TMEM108: variants seen among roughly 807,000 people sequenced by gnomAD.
TMEM108 encodes cancer/testis antigen 124.
A neutral mutation model predicts 35.1 loss-of-function variants in TMEM108; 12 were observed. The ratio of observed to expected loss-of-function variants is 0.34; its 90% CI spans 0.22 to 0.55. TMEM108 has a LOEUF of 0.55. TMEM108 is among the 20% of genes least tolerant of loss of function. TMEM108 has a pLI of 0.89. For missense variants in TMEM108, 680 were observed against 753.3 expected (o/e 0.90, Z 1.14); for synonymous variants, 287 against 308.6 (o/e 0.93, Z 0.73).
chr3:133,178,081 A>G (rs955813236), intron 2 of TMEM108, among the ~76,000 whole-genome samples: 34 of 152,252 alleles, frequency 2.2e-4, no homozygotes, highest in Non-Finnish European at 4.7e-4. Context: ...AAAGGGAATA[A>G]AATACCTAGG....
intron 2 of TMEM108, among the ~76,000 whole-genome samples, chr3:133,072,552 A>G (rs1943688703): frequency 6.6e-6 from 1 of 152,110 alleles, no homozygotes. Context: ...CACAGAATAC[A>G]CGTGGCCAAA....
At chr3:133,393,672 AG>A (rs1254302979) in intron 5 of TMEM108, among the ~76,000 whole-genome samples, 3 of 152,200 alleles carry the variant, frequency 2.0e-5, no homozygotes, top group Non-Finnish European at 4.4e-5. Context: ...TGTTGTAGTA[AG>A]TGGAAAAAAA....
Position 133,174,846 on chromosome 3 carries a change from GAGA to G in TMEM108, c.-46-54414_-46-54412del, listed in dbSNP as rs548086779. On this transcript the variant is annotated intron_variant, in intron 2 of 5. Transcript: ENST00000321871. ...ATGGAGAATGACTTTGATGAGTTGA[GAGA>G]AGAAGGCTTCAGACAATCAAACTAC... Among the ~76,000 whole-genome samples, 46 of 152,276 alleles carry G rather than the reference GAGA, an allele frequency of 3.0e-4. No individual in the cohort carries two copies. The South Asian group carries it at 9.6e-3, about 32-fold the overall frequency.
intron 2 of TMEM108, among the ~76,000 whole-genome samples, chr3:133,109,319 G>T (rs892251662): frequency 2.6e-5 from 4 of 152,006 alleles, no homozygotes; most frequent in Admixed American, 2.0e-4. Context: ...TTCCTTTTAT[G>T]AACTATCTTC....
At chr3:133,240,134 T>A (rs78468892) in intron 3 of TMEM108, among the ~76,000 whole-genome samples, 1 of 152,330 alleles carries the variant, frequency 6.6e-6, no homozygotes, top group African/African-American at 2.4e-5. Context: ...GTAATTCTTT[T>A]GCAAATCAAA....
chr3:133,238,972 C>T (rs1946276967), intron 3 of TMEM108, among the ~76,000 whole-genome samples: 1 of 152,184 alleles, frequency 6.6e-6, no homozygotes, highest in Non-Finnish European at 1.5e-5. Context: ...CCACCTTTCC[C>T]AGTGAAGTTG....
chr3:133,269,567 AGG>A (rs1326618770), intron 3 of TMEM108, among the ~76,000 whole-genome samples: 1 of 152,212 alleles, frequency 6.6e-6, no homozygotes, highest in Non-Finnish European at 1.5e-5. Context: ...GAAAAGTGAA[AGG>A]GAAACTGGTA....
chr3:133,322,256 A>G (rs2071276226), intron 3 of TMEM108, among the ~76,000 whole-genome samples: 3 of 152,194 alleles, frequency 2.0e-5, no homozygotes, highest in Admixed American at 1.3e-4. Flanking sequence ...GAAAAGATAA[A>G]TAAAATTGAT....
intron 2 of TMEM108, among the ~76,000 whole-genome samples, chr3:133,063,056 C>T (rs780428517): frequency 3.1e-4 from 47 of 152,024 alleles, no homozygotes; most frequent in Non-Finnish European, 2.9e-5. Flanking sequence ...TGGAGGTCTC[C>T]CTGGGGTCAG....
intron 2 of TMEM108, among the ~76,000 whole-genome samples, chr3:133,077,605 T>TTTTC (rs1943757938): frequency 6.6e-6 from 1 of 152,152 alleles, no homozygotes; most frequent in African/African-American, 2.4e-5. Context: ...TTTGGGTCAC[T>TTTTC]TTTCCTCTCT....
intron 2 of TMEM108, among the ~76,000 whole-genome samples, chr3:133,228,216 G>T (rs1262448377): frequency 6.6e-6 from 1 of 151,166 alleles, no homozygotes; most frequent in Non-Finnish European, 1.5e-5. Flanking sequence ...AAGATAGATA[G>T]ATAGTTCTAC....
At chr3:133,088,881 A>G (rs1943914327) in intron 2 of TMEM108, among the ~76,000 whole-genome samples, 1 of 152,162 alleles carries the variant, frequency 6.6e-6, no homozygotes, top group South Asian at 2.1e-4. Context: ...TTGCATTGCT[A>G]TCAGAAAATA....
rs562003677 is a variant in TMEM108, at chr3:133,337,906, A to G, written c.41-41846A>G. 7.2e-5 allele frequency among the ~76,000 whole-genome samples: 11 copies of G among 152,330 alleles called. No individual in the cohort carries two copies. The East Asian group carries it at 1.5e-3, about 21-fold the overall frequency. The stretch of plus-strand genomic sequence containing the variant: ...AGAAATACTGGAGTTGAAAAATGCA[A>G]TTGACATGCTGAAGAATGTATCAGG... On this transcript the variant is annotated intron_variant, in intron 3 of 5. Transcript: ENST00000321871.
chr3:133,073,365 C>A (rs9835480), intron 2 of TMEM108, among the ~76,000 whole-genome samples: 96,479 of 150,370 alleles, frequency 0.64, 31,664 homozygotes, highest in African/African-American at 0.79. Flanking sequence ...CAGGTAAGTG[C>A]GATTATGTGG....
intron 2 of TMEM108, among the ~76,000 whole-genome samples, chr3:133,204,434 A>G (rs1053264096): frequency 6.6e-6 from 1 of 152,314 alleles, no homozygotes; most frequent in Non-Finnish European, 1.5e-5. Flanking sequence ...TCCTGTGGGC[A>G]TTTAATGCTA....
At chr3:133,386,647 A>G (rs936150627) in intron 4 of TMEM108, 48 of 1,415,790 alleles carry the variant, frequency 3.4e-5, no homozygotes, top group Non-Finnish European at 4.3e-5. Context: ...CTTGATGGCT[A>G]CTGCCTCAGG....
At chr3:133,309,355 A>G (rs924651258) in intron 3 of TMEM108, among the ~76,000 whole-genome samples, 2 of 151,946 alleles carry the variant, frequency 1.3e-5, no homozygotes, top group Non-Finnish European at 2.9e-5. Context: ...TTGTGTGTCT[A>G]TCTCTTTCAG....
chr3:133,106,904 G>A (rs76448269), intron 2 of TMEM108, among the ~76,000 whole-genome samples: 1 of 152,308 alleles, frequency 6.6e-6, no homozygotes, highest in East Asian at 1.9e-4. Context: ...GAAACTATGT[G>A]AAATAATAGA....
chr3:133,108,560 T>G (rs1168155001), intron 2 of TMEM108, among the ~76,000 whole-genome samples: 3 of 151,816 alleles, frequency 2.0e-5, no homozygotes, highest in African/African-American at 4.8e-5. Flanking sequence ...TTTCTCCCAT[T>G]TTGTAGGTTG....
Sources: allele counts gnomAD v4.1 joint callset (sites outside exome capture counted in the v4.1 genomes callset), GRCh38; gene constraint gnomAD v4.1.1; transcripts MANE v1.5; gene names NCBI Gene and HGNC (gene_info 2026-07-23, HGNC 2026-07-21).